The following CELF6 variants were observed in gnomAD, a reference collection of about 807,000 sequenced individuals.
The protein encoded by CELF6 is Bruno -like 6, RNA binding protein.
Under a neutral mutation model 53.1 loss-of-function variants are expected in CELF6, and 32 were observed. The observed-to-expected ratio is 0.60, with a 90% CI of 0.46 to 0.81. The LOEUF is 0.81. Ranked by LOEUF, CELF6 falls within the 30% of genes least tolerant of loss-of-function variation. The probability of loss-of-function intolerance (pLI) is 0.00; values close to 1 mark genes in which losing one functional copy is unlikely to be tolerated. For missense variants in CELF6, 539 were observed against 669.5 expected (o/e 0.81, Z 2.15); for synonymous variants, 291 against 288.8 (o/e 1.01, Z -0.08).
rs200089059 is a variant in CELF6 at position 72,289,166 on chromosome 15, G to C, written c.1002C>G (p.Leu334=). 14 of 1,554,702 alleles carry C rather than the reference G, an allele frequency of 9.0e-6. No homozygotes were observed. The highest frequency in any genetic ancestry group is 2.3e-5 in the East Asian group (1 of 44,020). Residue 334 remains leucine, a synonymous_variant, in exon 8 of 13, where the codon CTC becomes CTG. Coordinates refer to ENST00000287202, the MANE Select transcript of CELF6 (RefSeq NM_052840.5). This position sits in a 1 kb window ranked among gnomAD's most constrained non-coding sequence, Gnocchi z 7.6. ...QTNGQPGSDT[L]YNNGLSPYPA... Reference sequence around the variant, plus strand: ...GATAAGGGGAGAGCCCGTTATTGTAGAGCGTGTCGGAGCCCGGCTGGCCAT... The same window carrying C: ...GATAAGGGGAGAGCCCGTTATTGTACAGCGTGTCGGAGCCCGGCTGGCCAT...
chr15:72,288,893 G>T lies in CELF6; in HGVS notation c.1068C>A (p.Ala356=), dbSNP rs778679475. 17 of 1,550,866 alleles carry T rather than the reference G, an allele frequency of 1.1e-5. No individual in the cohort carries two copies. Among genetic ancestry groups the T allele is most frequent in the Admixed American group, 2.0e-5 (1 of 51,010 alleles). ...SPGVADPLQQ[A]YAGMHHYAAA... is the part of the protein sequence containing the mutation. Reference sequence around the variant, plus strand: ...CTGCGTAGTGGTGCATCCCAGCGTAGGCCTGCTGCAGGGGGTCAGCCACGC... The same window carrying T: ...CTGCGTAGTGGTGCATCCCAGCGTATGCCTGCTGCAGGGGGTCAGCCACGC... The change falls in exon 9 of 13, where the codon GCC becomes GCA. Residue 356 remains alanine (A), a synonymous_variant. Transcript: ENST00000287202. The surrounding 1 kb of genome is among the most constrained non-coding windows in gnomAD (Gnocchi z 4.6).
In CELF6 at chr15:72,289,107, C is replaced by CG; in HGVS notation, c.1030+30dup. 1 of 1,477,096 alleles carries CG rather than the reference C, an allele frequency of 6.8e-7. No individual in the cohort carries two copies. 91.5% of individuals were successfully genotyped at this position (1,477,096 alleles called of 1,614,324 possible). On this transcript the variant is annotated intron_variant, in intron 8 of 12. Coordinates refer to ENST00000287202, the MANE Select transcript of CELF6 (RefSeq NM_052840.5). This position sits in a 1 kb window ranked among gnomAD's most constrained non-coding sequence, Gnocchi z 7.6. ...CCACCCCCCGCTCCCCACTCCATTT[C>CG]GGGGGGATTTGGGCGGAGCGGGGGG...
chr15:72,307,582 T>C (rs143123534), intron 2 of CELF6, among the ~76,000 whole-genome samples: 11 of 152,318 alleles, frequency 7.2e-5, no homozygotes, highest in African/African-American at 2.6e-4. Context: ...ATGAGAAAGC[T>C]GAGGCTGAGG....
intron 2 of CELF6, 88 bp downstream of exon 2, chr15:72,315,757 A>C (rs1159311399): frequency 2.3e-6 from 2 of 879,176 alleles, no homozygotes; most frequent in South Asian, 3.5e-5. Context: ...CTCGGTCCCA[A>C]CCCAGCCCCC....
In CELF6 at chr15:72,288,796, T is replaced by C. The variant is rs781082384; in HGVS notation, c.1093+72A>G. ...TCAACTCCTTGGAACAGAGCCTAAATCCCCCACAACTCTCCCTATTTCTTT... is the reference window on the plus strand; with the variant it reads ...TCAACTCCTTGGAACAGAGCCTAAACCCCCCACAACTCTCCCTATTTCTTT... On this transcript the variant is annotated intron_variant, in intron 9 of 12. Coordinates refer to ENST00000287202, the MANE Select transcript of CELF6 (RefSeq NM_052840.5). The surrounding 1 kb of genome is among the most constrained non-coding windows in gnomAD (Gnocchi z 4.6). 62 of 1,444,432 alleles carry C rather than the reference T, an allele frequency of 4.3e-5. No individual in the cohort carries two copies. The highest frequency in any genetic ancestry group is 5.9e-5 in the Non-Finnish European group (62 of 1,050,012). 89.5% of individuals were successfully genotyped at this position (1,444,432 alleles called of 1,614,324 possible). A position where few individuals can be genotyped will look rare whatever the true frequency, so the allele number is the denominator to read the frequency against.
At chr15:72,300,695 G>A (rs1053158676) in intron 3 of CELF6, among the ~76,000 whole-genome samples, 2 of 152,002 alleles carry the variant, frequency 1.3e-5, no homozygotes, top group Non-Finnish European at 2.9e-5. Context: ...TTAGCTGGGC[G>A]TGCTAGTGGG....
intron 3 of CELF6, among the ~76,000 whole-genome samples, chr15:72,303,327 G>C (rs988554654): frequency 2.6e-5 from 4 of 151,664 alleles, no homozygotes; most frequent in African/African-American, 9.7e-5. Flanking sequence ...ATGTGTGTGT[G>C]GATGGAGGAG....
chr15:72,296,684 A>C (rs960756043), intron 3 of CELF6, among the ~76,000 whole-genome samples: 2 of 152,250 alleles, frequency 1.3e-5, no homozygotes, highest in Admixed American at 1.3e-4. Context: ...GGCAACAAGC[A>C]TAAGAAAAGA....
intron 2 of CELF6, chr15:72,313,823 TAC>T: frequency 3.6e-5 from 27 of 739,888 alleles, no homozygotes; most frequent in African/African-American, 7.6e-5. Flanking sequence ...CTGTTACTAT[TAC>T]TGTTACTATC....
intron 3 of CELF6, among the ~76,000 whole-genome samples, chr15:72,302,966 C>T (rs1392921759): frequency 2.6e-5 from 4 of 152,200 alleles, no homozygotes; most frequent in Non-Finnish European, 4.4e-5. Context: ...ATTGTGTTCC[C>T]TTGTTTACTT....
intron 2 of CELF6, among the ~76,000 whole-genome samples, chr15:72,307,755 G>T (rs1327596784): frequency 2.6e-5 from 4 of 152,246 alleles, no homozygotes; most frequent in African/African-American, 9.6e-5. Context: ...AGGGACCAGG[G>T]CCTCGGGGGA....
rs77881008 is a variant in CELF6, at chr15:72,310,446, C to T, written c.345+5399G>A. ...ATCTCCAGCTCTAGGCCAGCATCAC[C>T]ATTCATCCACACTCAAGCAACACTG... On this transcript the variant is annotated intron_variant, in intron 2 of 12. Transcript: ENST00000287202. Among the ~76,000 whole-genome samples the T allele has an allele frequency of 2.6e-3, 395 of 152,196 alleles. 1 individual carries two copies. Among genetic ancestry groups the T allele is most frequent in the Non-Finnish European group, 4.8e-3 (324 of 68,004 alleles).
chr15:72,318,978 G>A (rs2088394669), intron 1 of CELF6, among the ~76,000 whole-genome samples: 1 of 152,216 alleles, frequency 6.6e-6, no homozygotes, highest in Non-Finnish European at 1.5e-5. Flanking sequence ...GATTGGGGCT[G>A]TTGTTGAACA....
At position 72,289,361 on chromosome 15, in the gene CELF6, C is replaced by A. The variant is rs754069049; in HGVS notation, c.880+14G>T. 3 of 1,547,622 alleles carry A rather than the reference C, an allele frequency of 1.9e-6. No homozygotes were observed. The highest frequency in any genetic ancestry group is 2.6e-6 in the Non-Finnish European group (3 of 1,154,662). ...GGCCCCTCCCAGGCGCGCCCCAGTC[C>A]CTGGGGGCCGTACCTGCCGCGGGCA... On this transcript the variant is annotated intron_variant, in intron 7 of 12. Coordinates refer to ENST00000287202, the MANE Select transcript of CELF6 (RefSeq NM_052840.5). This position sits in a 1 kb window ranked among gnomAD's most constrained non-coding sequence, Gnocchi z 7.6.
chr15:72,297,846 T>C (rs931525070), intron 3 of CELF6, among the ~76,000 whole-genome samples: 1 of 152,226 alleles, frequency 6.6e-6, no homozygotes, highest in Non-Finnish European at 1.5e-5. Context: ...CTCTAGTAAC[T>C]GTACCCCTAA....
intron 3 of CELF6, among the ~76,000 whole-genome samples, chr15:72,299,317 GT>G (rs1486700854): frequency 1.3e-5 from 2 of 150,848 alleles, no homozygotes; most frequent in Non-Finnish European, 2.9e-5. Flanking sequence ...TAATGTTCAT[GT>G]TCAAATGCAC....
rs983902492 is a variant in CELF6, at chr15:72,319,958, G to C, written c.-84C>G. 1 of 1,369,540 alleles carries C rather than the reference G, an allele frequency of 7.3e-7. No homozygotes were observed. Among genetic ancestry groups the C allele is most frequent in the South Asian group, 1.7e-5 (1 of 59,026 alleles). 84.8% of individuals were successfully genotyped at this position (1,369,540 alleles called of 1,614,324 possible). ...CTCCCTGGACCGGTGGCGAGGGCCA[G>C]GGGGAGGGGGCGGAGCCCGGGCGGA... On this transcript the variant is annotated 5_prime_UTR_variant, in exon 1 of 13. Transcript: ENST00000287202. The surrounding 1 kb of genome is among the most constrained non-coding windows in gnomAD (Gnocchi z 5.0).
In CELF6 at chr15:72,288,463, G is replaced by C. The variant is rs1195330296; in HGVS notation, c.1175-12C>G. On this transcript the variant is annotated splice_polypyrimidine_tract_variant and intron_variant, in intron 10 of 12. Coordinates refer to ENST00000287202, the MANE Select transcript of CELF6 (RefSeq NM_052840.5). This position sits in a 1 kb window ranked among gnomAD's most constrained non-coding sequence, Gnocchi z 4.6. ...ACAGCCTTCGGGGCCTGGAGGAACA[G>C]TAGCAAGCTGGTTCAGGGGAAGGAC... is the stretch of plus-strand genomic sequence containing the variant. 6.2e-7 allele frequency: 1 copy of C among 1,614,204 alleles called. No individual in the cohort carries two copies.
intron 3 of CELF6, among the ~76,000 whole-genome samples, chr15:72,303,019 AC>A (rs2088178603): frequency 6.6e-6 from 1 of 152,158 alleles, no homozygotes; most frequent in Admixed American, 6.5e-5. Context: ...GAGGCCAGGT[AC>A]CAGGTCTGCT....
Sources: gnomAD v4.1 joint callset for allele counts (sites outside exome capture counted in the v4.1 genomes callset) on GRCh38, gnomAD v4.1.1 for gene constraint, Gnocchi (gnomAD v3.1) non-coding constraint, MANE v1.5 for transcripts, NCBI Gene and HGNC (gene_info 2026-07-23, HGNC 2026-07-21) for gene names.